The following CCDC39 variants were observed in gnomAD, a reference collection of about 807,000 sequenced individuals.
The protein encoded by CCDC39 is coiled-coil domain 39 molecular ruler complex subunit.
A neutral mutation model predicts 121.0 loss-of-function variants in CCDC39; 113 were observed. That is an observed-to-expected ratio of 0.93 (90% CI 0.80 to 1.09). The LOEUF (loss-of-function observed/expected upper bound fraction) is 1.09. CCDC39 is among the 50% of genes least tolerant of loss of function. The pLI, the probability that CCDC39 is intolerant of heterozygous loss-of-function variation, is 0.00. For missense variants in CCDC39, 1,063 were observed against 1,074.7 expected, an observed-to-expected ratio of 0.99 and a Z score of 0.15; for synonymous variants, 349 against 352.2, an observed-to-expected ratio of 0.99 and a Z score of 0.10.
At chr3:180,654,668 A>T in intron 7 of CCDC39, 94 bp downstream of exon 7, 9 of 638,190 alleles carry the variant, frequency 1.4e-5, no homozygotes, top group Non-Finnish European at 2.2e-5. Context: ...AACTAGAAGT[A>T]GTTTCTTTAT....
At chr3:180,676,654 A>G (rs111353148) in intron 1 of CCDC39, among the ~76,000 whole-genome samples, 2,373 of 152,300 alleles carry the variant, frequency 0.016, 54 homozygotes, top group African/African-American at 0.055. Flanking sequence ...TATATACCCA[A>G]AGGAATATAA....
intron 6 of CCDC39, among the ~76,000 whole-genome samples, chr3:180,657,980 C>T (rs1389506437): frequency 6.6e-6 from 1 of 152,120 alleles, no homozygotes; most frequent in Non-Finnish European, 1.5e-5. Context: ...TGGCTCACGC[C>T]TGTAATCCCA....
chr3:180,618,875 T>G (rs973893037), intron 16 of CCDC39, among the ~76,000 whole-genome samples: 2 of 152,182 alleles, frequency 1.3e-5, no homozygotes, highest in Non-Finnish European at 2.9e-5. Flanking sequence ...CTTTTATCTT[T>G]CAGTGATTTG....
At position 180,656,587 on chromosome 3, in the gene CCDC39, G is replaced by A. The variant is rs532487834; in HGVS notation, c.739-1634C>T. On this transcript the variant is annotated intron_variant, in intron 6 of 19. Transcript: ENST00000476379. ...CAACTCCATCTTGAAGAGGAGCAGC[G>A]TTAACATAAGGCTGCGACCTACGGG... Among the ~76,000 whole-genome samples, 150 of 152,278 alleles carry A rather than the reference G, an allele frequency of 9.9e-4. 1 individual carries two copies. Among genetic ancestry groups the A allele is most frequent in the African/African-American group, 3.4e-3 (142 of 41,554 alleles).
chr3:180,644,407 C>G, intron 11 of CCDC39, 150 bp from the exon 12 acceptor site: 1 of 528,886 alleles, frequency 1.9e-6, no homozygotes, highest in East Asian at 3.4e-5. Flanking sequence ...TCTGCTATGT[C>G]TGTAATATAA....
intron 6 of CCDC39, among the ~76,000 whole-genome samples, chr3:180,657,783 C>T (rs1375004600): frequency 6.6e-6 from 1 of 152,130 alleles, no homozygotes; most frequent in African/African-American, 2.4e-5. Context: ...GTAACTGCTG[C>T]TAATTGGAGT....
chr3:180,676,395 C>T (rs1712207245), intron 1 of CCDC39, among the ~76,000 whole-genome samples: 1 of 152,188 alleles, frequency 6.6e-6, no homozygotes, highest in South Asian at 2.1e-4. Context: ...TGAAAAAATG[C>T]TCATCATCAC....
chr3:180,673,500 A>G (rs1184070237), intron 1 of CCDC39, among the ~76,000 whole-genome samples: 2 of 152,188 alleles, frequency 1.3e-5, no homozygotes, highest in Non-Finnish European at 2.9e-5. Flanking sequence ...TTAACAATAA[A>G]GTATTTTCAA....
intron 1 of CCDC39, among the ~76,000 whole-genome samples, chr3:180,674,388 T>C (rs528468607): frequency 1.2e-4 from 19 of 152,306 alleles, no homozygotes; most frequent in African/African-American, 4.1e-4. Flanking sequence ...GCTGAGACGA[T>C]GGGGTTTTCT....
At chr3:180,676,314 C>T (rs575307589) in intron 1 of CCDC39, among the ~76,000 whole-genome samples, 1 of 152,094 alleles carries the variant, frequency 6.6e-6, no homozygotes, top group South Asian at 2.1e-4. Flanking sequence ...AACAAACAAC[C>T]CCATCAAAAA....
chr3:180,625,706 G>A (rs1156949766), intron 14 of CCDC39, among the ~76,000 whole-genome samples: 2 of 152,130 alleles, frequency 1.3e-5, no homozygotes, highest in African/African-American at 4.8e-5. Context: ...TGGGGTGCCT[G>A]TGGTAGTGTG....
chr3:180,664,047 C>A (rs1297150312), intron 1 of CCDC39, 61 bp from the exon 2 acceptor site: 1 of 1,438,076 alleles, frequency 7.0e-7, no homozygotes, highest in East Asian at 2.3e-5. Context: ...TATGAAGGAC[C>A]TAAAATCAAA....
intron 1 of CCDC39, among the ~76,000 whole-genome samples, chr3:180,677,165 AT>A (rs1246281842): frequency 1.3e-4 from 6 of 46,758 alleles, no homozygotes; most frequent in African/African-American, 4.1e-4. Flanking sequence ...AATAATAATA[AT>A]TTTATATATA....
intron 13 of CCDC39, among the ~76,000 whole-genome samples, chr3:180,641,494 A>T (rs952482703): frequency 3.9e-5 from 6 of 152,144 alleles, no homozygotes; most frequent in Admixed American, 3.3e-4. Flanking sequence ...AATGAAATAC[A>T]GTATATAGAA....
chr3:180,646,940 A>G (rs1718079828), intron 11 of CCDC39, 139 bp downstream of exon 11: 3 of 712,642 alleles, frequency 4.2e-6, no homozygotes, highest in African/African-American at 3.6e-5. Flanking sequence ...TAGTACAAAA[A>G]TAAGAACATT....
chr3:180,636,688 A>G (rs1424989048), intron 13 of CCDC39, among the ~76,000 whole-genome samples: 1 of 152,210 alleles, frequency 6.6e-6, no homozygotes, highest in Non-Finnish European at 1.5e-5. Flanking sequence ...GAAGTACACT[A>G]CAGGGCTACA....
rs550719582 is a variant in CCDC39, at chr3:180,648,248, G to A, written c.1279C>T (p.Arg427Cys). ...KAVLSEIEGTRSSLKHLNHQL... is the reference protein window; with the variant it reads ...KAVLSEIEGTCSSLKHLNHQL... The stretch of plus-strand genomic sequence containing the variant: ...TGGTTGAGATGTTTCAGAGAGGAAC[G>A]AGTTCCTTCAATTTCTGATAAAACA... The change falls in exon 10 of 20, where the codon CGT becomes TGT. Residue 427 changes from arginine to cysteine, a missense_variant. Coordinates refer to ENST00000476379, the MANE Select transcript of CCDC39 (RefSeq NM_181426.2). 25 of 1,613,250 alleles carry A rather than the reference G, an allele frequency of 1.5e-5. No homozygotes were observed. Among genetic ancestry groups the A allele is most frequent in the South Asian group, 5.5e-5 (5 of 91,022 alleles).
intron 1 of CCDC39, among the ~76,000 whole-genome samples, chr3:180,669,233 C>G (rs1711967510): frequency 6.6e-6 from 1 of 152,164 alleles, no homozygotes; most frequent in South Asian, 2.1e-4. Context: ...AAGTGCCACA[C>G]TGTTTTGAGT....
At chr3:180,631,689 ACTACTAAACTCAAACAG>A in intron 13 of CCDC39, 97 bp from the exon 14 acceptor site, 1 of 981,710 alleles carries the variant, frequency 1.0e-6, no homozygotes. Context: ...GATTTGTGTT[ACTACTAAACTCAAACAG>A]GTTAAATTTG....
Sources: gnomAD v4.1 joint callset for allele counts (sites outside exome capture counted in the v4.1 genomes callset) on GRCh38, gnomAD v4.1.1 for gene constraint, MANE v1.5 for transcripts, NCBI Gene and HGNC (gene_info 2026-07-23, HGNC 2026-07-21) for gene names.